The following ADAM19 variants were observed in gnomAD, a reference collection of about 807,000 sequenced individuals.
ADAM19 encodes ADAM metallopeptidase domain 19.
Under a neutral mutation model 114.7 loss-of-function variants are expected in ADAM19, and 65 were observed. The observed-to-expected ratio is 0.57, with a 90% CI of 0.46 to 0.70. ADAM19 has a LOEUF of 0.70. Among genes scored for constraint, ADAM19 ranks in the 30% least tolerant of loss-of-function variants. The probability of loss-of-function intolerance (pLI) is 0.00; values close to 1 mark genes in which losing one functional copy is unlikely to be tolerated. For synonymous variants in ADAM19, 466 were observed against 460.5 expected (o/e 1.01, Z -0.15); for missense variants, 1,063 against 1,204.7 (o/e 0.88, Z 1.74).
At chr5:157,482,338 TC>T (rs1265886649) in intron 21 of ADAM19, among the ~76,000 whole-genome samples, 2 of 152,232 alleles carry the variant, frequency 1.3e-5, no homozygotes, top group Admixed American at 1.3e-4. Context: ...AAAAATCTTC[TC>T]CCATTCTGTA....
intron 2 of ADAM19, among the ~76,000 whole-genome samples, chr5:157,567,307 C>G (rs1169653107): frequency 2.0e-5 from 3 of 152,186 alleles, no homozygotes. Flanking sequence ...TCAAACCCAC[C>G]GAAGTAGGAA....
intron 12 of ADAM19, among the ~76,000 whole-genome samples, chr5:157,499,950 T>C (rs1755506219): frequency 6.7e-6 from 1 of 149,538 alleles, no homozygotes; most frequent in East Asian, 2.0e-4. Flanking sequence ...GGCTAATTTT[T>C]GTATTTTTAA....
At chr5:157,498,943 ACT>A (rs1755460020) in intron 13 of ADAM19, among the ~76,000 whole-genome samples, 2 of 151,874 alleles carry the variant, frequency 1.3e-5, no homozygotes, top group African/African-American at 4.8e-5. Context: ...AGCTTTTAGA[ACT>A]CCCTTAATTT....
At chr5:157,490,094 GA>G (rs1755097643) in intron 19 of ADAM19, among the ~76,000 whole-genome samples, 1 of 152,238 alleles carries the variant, frequency 6.6e-6, no homozygotes, top group African/African-American at 2.4e-5. Flanking sequence ...CTGCTGAGAA[GA>G]ACTCAGGAGT....
chr5:157,563,888 G>A (rs11465269), intron 3 of ADAM19, among the ~76,000 whole-genome samples: 30,409 of 152,172 alleles, frequency 0.2, 4,201 homozygotes, highest in African/African-American at 0.38. Flanking sequence ...GACTGTTGAC[G>A]ATGCCCTGTT....
chr5:157,536,941 G>A (rs1272275382), intron 4 of ADAM19, among the ~76,000 whole-genome samples: 6 of 152,192 alleles, frequency 3.9e-5, no homozygotes, highest in South Asian at 2.1e-4. Context: ...GCCAGTGTGC[G>A]TCTTCCCTTC....
chr5:157,567,552 C>G (rs929020898), intron 2 of ADAM19, among the ~76,000 whole-genome samples: 1 of 152,186 alleles, frequency 6.6e-6, no homozygotes, highest in Non-Finnish European at 1.5e-5. Context: ...AATCCCAACA[C>G]TTTGGGAGGC....
intron 9 of ADAM19, among the ~76,000 whole-genome samples, chr5:157,507,512 G>A (rs114064162): frequency 0.021 from 3,150 of 152,342 alleles, 46 homozygotes; most frequent in Non-Finnish European, 0.028. Context: ...CACAGATTCT[G>A]ATGCTGAAGT....
rs183672780 is a variant in ADAM19 at position 157,497,470 on chromosome 5, T to C, written c.1399-381A>G. Among the ~76,000 whole-genome samples the C allele has an allele frequency of 3.9e-5, 6 of 152,290 alleles. No individual in the cohort carries two copies. In the East Asian group the frequency reaches 1.2e-3, roughly 29 times the overall value. On this transcript the variant is annotated intron_variant, in intron 13 of 22. Coordinates refer to ENST00000257527, the MANE Select transcript of ADAM19 (RefSeq NM_033274.5). Reference sequence around the variant, plus strand: ...GTTTTCATGACAGTCCTGTGTGATATAATTATCCCTTCTGCAGATGATAAA... The same window carrying C: ...GTTTTCATGACAGTCCTGTGTGATACAATTATCCCTTCTGCAGATGATAAA...
At chr5:157,571,940 A>C (rs1263801463) in intron 1 of ADAM19, among the ~76,000 whole-genome samples, 1 of 152,252 alleles carries the variant, frequency 6.6e-6, no homozygotes, top group Non-Finnish European at 1.5e-5. Context: ...CCTACTCCGC[A>C]GAGCATCACT....
Position 157,522,550 on chromosome 5 carries a change from C to A in ADAM19, c.408-2519G>T, listed in dbSNP as rs558809481. On this transcript the variant is annotated intron_variant, in intron 5 of 22. Coordinates refer to ENST00000257527, the MANE Select transcript of ADAM19 (RefSeq NM_033274.5). ...CCTGTAATCCCAGCACTTTGGGAGG[C>A]CAAGGCGGGTGGATTTCCTGAGCTT... 1.4e-4 allele frequency among the ~76,000 whole-genome samples: 21 copies of A among 152,300 alleles called. No homozygotes were observed. In the East Asian group the frequency reaches 4.0e-3, roughly 29 times the overall value.
In ADAM19 at chr5:157,479,878, C is replaced by T; in HGVS notation, c.*1071G>A. ...ATAGCTGGGCTCCCTAAGGGGAAAC[C>T]TCACCTAGATTTAGCTTAGAGTAAG... is the stretch of plus-strand genomic sequence containing the variant. On this transcript the variant is annotated 3_prime_UTR_variant, in exon 23 of 23. Transcript: ENST00000257527. The T allele has an allele frequency of 2.0e-6, 2 of 985,684 alleles. No individual in the cohort carries two copies. The highest frequency in any genetic ancestry group is 2.4e-6 in the Non-Finnish European group (2 of 830,008). The allele number at this position is 985,684 out of a possible 1,614,324, so 61.1% of individuals were successfully genotyped here. A position where few individuals can be genotyped will look rare whatever the true frequency, so the allele number is the denominator to read the frequency against.
At chr5:157,542,387 A>G (rs183297344) in intron 3 of ADAM19, among the ~76,000 whole-genome samples, 1 of 152,268 alleles carries the variant, frequency 6.6e-6, no homozygotes, top group East Asian at 1.9e-4. Flanking sequence ...AAGTCTAAAG[A>G]TGGTGCTAAC....
chr5:157,515,865 A>T (rs1466653821), intron 7 of ADAM19, among the ~76,000 whole-genome samples: 2 of 152,122 alleles, frequency 1.3e-5, no homozygotes, highest in African/African-American at 4.8e-5. Flanking sequence ...CACCTGGGGA[A>T]TGAATAAACT....
chr5:157,498,705 T>C (rs1467034564), intron 13 of ADAM19, among the ~76,000 whole-genome samples: 1 of 149,838 alleles, frequency 6.7e-6, no homozygotes, highest in Non-Finnish European at 1.5e-5. Context: ...TATATATATA[T>C]ATATATGGAT....
Position 157,575,772 on chromosome 5 carries a change from G to T in ADAM19, c.-76C>A. On this transcript the variant is annotated 5_prime_UTR_variant, in exon 1 of 23. Coordinates refer to ENST00000257527, the MANE Select transcript of ADAM19 (RefSeq NM_033274.5). Reference sequence around the variant, plus strand: ...GCCCACTGCCCGGCGGTGGAGGCGCGTCTGGAACCCCCCGGCTCGCCCCGC... The same window carrying T: ...GCCCACTGCCCGGCGGTGGAGGCGCTTCTGGAACCCCCCGGCTCGCCCCGC... 9.0e-7 allele frequency: 1 copy of T among 1,116,472 alleles called. No homozygotes were observed. The highest frequency in any genetic ancestry group is 3.9e-5 in the South Asian group (1 of 25,694). 69.2% of individuals were successfully genotyped at this position (1,116,472 alleles called of 1,614,324 possible).
chr5:157,496,874 G>A lies in ADAM19; in HGVS notation c.1594+20C>T. 1.3e-6 allele frequency: 2 copies of A among 1,528,686 alleles called. No homozygotes were observed. The highest frequency in any genetic ancestry group is 1.8e-6 in the Non-Finnish European group (2 of 1,142,448). 94.7% of individuals were successfully genotyped at this position (1,528,686 alleles called of 1,614,324 possible). A position where few individuals can be genotyped will look rare whatever the true frequency, so the allele number is the denominator to read the frequency against. ...GAAGTGGTGGGCTGGGGAGAGCCGT[G>A]CTCCCCAGGAGAGCCTTACCGGGTC... On this transcript the variant is annotated intron_variant, in intron 14 of 22. Coordinates refer to ENST00000257527, the MANE Select transcript of ADAM19 (RefSeq NM_033274.5).
intron 3 of ADAM19, among the ~76,000 whole-genome samples, chr5:157,554,613 A>C (rs1340202751): frequency 2.6e-5 from 4 of 152,246 alleles, no homozygotes; most frequent in Non-Finnish European, 5.9e-5. Context: ...ATGGGTTTTA[A>C]GGTCAACTCT....
chr5:157,513,671 G>C (rs183671201), intron 7 of ADAM19, among the ~76,000 whole-genome samples, 166 bp from the exon 8 acceptor site: 1 of 152,266 alleles, frequency 6.6e-6, no homozygotes, highest in East Asian at 1.9e-4. Flanking sequence ...TGGAGGGTAG[G>C]ACCTGTCAAC....
Sources: gnomAD v4.1 joint callset for allele counts (sites outside exome capture counted in the v4.1 genomes callset) on GRCh38, gnomAD v4.1.1 for gene constraint, MANE v1.5 for transcripts, NCBI Gene and HGNC (gene_info 2026-07-23, HGNC 2026-07-21) for gene names.